The following ERCC6 variants were observed in gnomAD, a reference collection of about 807,000 sequenced individuals.
ERCC6 encodes ERCC excision repair 6, chromatin remodeling factor.
ERCC6 carries 116 observed loss-of-function variants against 158.7 expected under a neutral mutation model. That is an observed-to-expected ratio of 0.73 (90% CI 0.63 to 0.85). ERCC6 has a LOEUF of 0.85. Ranked by LOEUF, ERCC6 falls within the 40% of genes least tolerant of loss-of-function variation. The pLI, the probability that ERCC6 is intolerant of heterozygous loss-of-function variation, is 0.00. For synonymous variants in ERCC6, 678 were observed against 659.3 expected (o/e 1.03, Z -0.43); for missense variants, 1,698 against 1,799.4 (o/e 0.94, Z 1.02).
chr10:49,461,981 G>C (rs1210502773), intron 18 of ERCC6, among the ~76,000 whole-genome samples: 1 of 152,142 alleles, frequency 6.6e-6, no homozygotes, highest in Non-Finnish European at 1.5e-5. Flanking sequence ...TTTTCCCTGA[G>C]TTAATTTATA....
intron 5 of ERCC6, chr10:49,516,367 T>C (rs753210106): frequency 3.7e-6 from 6 of 1,614,062 alleles, no homozygotes; most frequent in Non-Finnish European, 5.1e-6. Context: ...AGTTTGCTTA[T>C]GAGAGGTCGC....
Position 49,479,287 on chromosome 10 carries a change from A to T in ERCC6, c.2170-817T>A, listed in dbSNP as rs536098303. ...TTTAAATTTAAGAAAGTCAGCTGTA[A>T]AATGAATGATAATAAAAAAGAGCTT... On this transcript the variant is annotated intron_variant, in intron 10 of 20. Coordinates refer to ENST00000355832, the MANE Select transcript of ERCC6 (RefSeq NM_000124.4). 9.8e-5 allele frequency among the ~76,000 whole-genome samples: 15 copies of T among 152,316 alleles called. No homozygotes were observed. In the East Asian group the frequency reaches 2.7e-3, roughly 27 times the overall value.
chr10:49,494,004 T>A (rs1016372519), intron 7 of ERCC6, among the ~76,000 whole-genome samples: 1 of 152,172 alleles, frequency 6.6e-6, no homozygotes, highest in Non-Finnish European at 1.5e-5. Context: ...GACCCAGCAA[T>A]CCCAATAAAA....
At chr10:49,451,013 G>A (rs577181546), downstream of ERCC6, among the ~76,000 whole-genome samples, 13 of 151,954 alleles carry the variant, frequency 8.6e-5, no homozygotes, top group Admixed American at 2.0e-4. Context: ...GGGTTTCACC[G>A]TGTTAGCCAG....
At chr10:49,497,635 G>C (rs768056530) in intron 7 of ERCC6, among the ~76,000 whole-genome samples, 4 of 152,248 alleles carry the variant, frequency 2.6e-5, no homozygotes, top group Non-Finnish European at 5.9e-5. Flanking sequence ...GACCACAGCA[G>C]GACAATCAAC....
At position 49,515,807 on chromosome 10, in the gene ERCC6, A is replaced by C. The variant is rs775513617; in HGVS notation, c.1397+8226T>G. On this transcript the variant is annotated intron_variant, in intron 5 of 20. Transcript: ENST00000355832. The stretch of plus-strand genomic sequence containing the variant: ...TCTTCTTTTTCAGTTTCTGGGAGTA[A>C]CGACTGACAAGACACAGGGGATGGA... 3 of 1,614,178 alleles carry C rather than the reference A, an allele frequency of 1.9e-6. No homozygotes were observed. The Admixed American group carries it at 5.0e-5, about 27-fold the overall frequency.
chr10:49,473,371 C>T (rs1850816193), intron 14 of ERCC6, 106 bp downstream of exon 14: 1 of 859,892 alleles, frequency 1.2e-6, no homozygotes. Context: ...CCCTCCCAAG[C>T]CCAGATGTCA....
At chr10:49,466,286 A>T (rs1850673499) in intron 18 of ERCC6, among the ~76,000 whole-genome samples, 1 of 152,252 alleles carries the variant, frequency 6.6e-6, no homozygotes, top group African/African-American at 2.4e-5. Flanking sequence ...TCTAGTTAGT[A>T]TAACTGTTTC....
At chr10:49,495,092 T>C (rs1249523904) in intron 7 of ERCC6, among the ~76,000 whole-genome samples, 1 of 152,214 alleles carries the variant, frequency 6.6e-6, no homozygotes. Context: ...CCTTTTCTTG[T>C]TTGAGACCAA....
At chr10:49,469,840 A>C (rs1050843642) in intron 18 of ERCC6, among the ~76,000 whole-genome samples, 5 of 152,208 alleles carry the variant, frequency 3.3e-5, no homozygotes, top group African/African-American at 9.7e-5. Context: ...ATGTTACTTT[A>C]ATCTCCTGTG....
intron 12 of ERCC6, among the ~76,000 whole-genome samples, chr10:49,475,828 A>G (rs1482009913): frequency 1.3e-5 from 2 of 152,218 alleles, no homozygotes; most frequent in African/African-American, 2.4e-5. Context: ...GATGAAAGTT[A>G]TGAATCCTCA....
At chr10:49,502,138 T>A (rs1407307401) in intron 6 of ERCC6, 1 of 152,186 alleles carries the variant, frequency 6.6e-6, no homozygotes, top group Non-Finnish European at 1.5e-5. Context: ...TCAGCTCATT[T>A]AACTGGTTTT....
intron 8 of ERCC6, among the ~76,000 whole-genome samples, chr10:49,489,432 T>C (rs1045533787): frequency 1.3e-5 from 2 of 152,228 alleles, no homozygotes; most frequent in African/African-American, 4.8e-5. Flanking sequence ...ACCCATTTTA[T>C]AAGTGATCAA....
intron 18 of ERCC6, among the ~76,000 whole-genome samples, chr10:49,467,356 C>T (rs537700009): frequency 6.6e-6 from 1 of 152,346 alleles, no homozygotes; most frequent in African/African-American, 2.4e-5. Context: ...TGAGACCCAA[C>T]TGCTTCACAT....
rs565353918 is a variant in ERCC6, at chr10:49,482,022, C to T, written c.2169+665G>A. Among the ~76,000 whole-genome samples the T allele has an allele frequency of 2.6e-3, 389 of 152,318 alleles. 1 individual carries two copies. The highest frequency in any genetic ancestry group is 9.1e-3 in the African/African-American group (377 of 41,566). ...TCAGTAACCCAGCCCTCCCTGAGTG[C>T]CACTGCTTCCCTTTCAAGGCCCCAC... On this transcript the variant is annotated intron_variant, in intron 10 of 20. Transcript: ENST00000355832.
At chr10:49,483,298 A>G in intron 9 of ERCC6, 48 bp downstream of exon 9, 3 of 1,570,376 alleles carry the variant, frequency 1.9e-6, no homozygotes, top group Non-Finnish European at 2.6e-6. Flanking sequence ...ATTCTGAATT[A>G]ATTATTCTTC....
At chr10:49,464,479 C>CTG (rs2132530165) in intron 18 of ERCC6, among the ~76,000 whole-genome samples, 1 of 152,370 alleles carries the variant, frequency 6.6e-6, no homozygotes, top group South Asian at 2.1e-4. Flanking sequence ...TTCAAGCTGG[C>CTG]TGCAGAAATT....
the ERCC6 span, among the ~76,000 whole-genome samples, chr10:49,437,313 T>C: frequency 6.6e-6 from 1 of 152,204 alleles, no homozygotes; most frequent in Non-Finnish European, 1.5e-5. Flanking sequence ...GAAAACGGAC[T>C]AATATATACA....
chr10:49,445,395 G>A, the ERCC6 span, among the ~76,000 whole-genome samples: 5 of 152,178 alleles, frequency 3.3e-5, no homozygotes, highest in African/African-American at 9.7e-5. Flanking sequence ...CAATCATGTC[G>A]TTATTTGTAG....
Sources: allele counts gnomAD v4.1 joint callset (sites outside exome capture counted in the v4.1 genomes callset), GRCh38; gene constraint gnomAD v4.1.1; transcripts MANE v1.5; gene names NCBI Gene and HGNC (gene_info 2026-07-23, HGNC 2026-07-21).